INTS3: variants seen among roughly 807,000 people sequenced by gnomAD.
INTS3 encodes SOSS complex subunit A.
In INTS3, 34 loss-of-function variants were observed where a neutral mutation model predicts 146.3. That is an observed-to-expected ratio of 0.23 (90% CI 0.18 to 0.31). The LOEUF (loss-of-function observed/expected upper bound fraction) is 0.31. Ranked by LOEUF, INTS3 falls within the 10% of genes least tolerant of loss-of-function variation. The pLI is 1.00. For missense variants in INTS3, 757 were observed against 1,304.2 expected (o/e 0.58, Z 6.46); for synonymous variants, 475 against 494.9 (o/e 0.96, Z 0.53).
At chr1:153,731,798 G>A (rs1331888639) in intron 1 of INTS3, among the ~76,000 whole-genome samples, 3 of 150,886 alleles carry the variant, frequency 2.0e-5, no homozygotes, top group African/African-American at 7.3e-5. Flanking sequence ...TGTTAGCCAG[G>A]ATGGTCTCTA....
At chr1:153,734,296 G>GATAAT (rs1671204330) in intron 1 of INTS3, among the ~76,000 whole-genome samples, 1 of 152,178 alleles carries the variant, frequency 6.6e-6, no homozygotes, top group African/African-American at 2.4e-5. Flanking sequence ...CTGGCTTCCT[G>GATAAT]TGGCTTTCTT....
intron 8 of INTS3, chr1:153,753,825 G>A (rs1053259397): frequency 1.3e-5 from 2 of 151,788 alleles, no homozygotes; most frequent in Admixed American, 1.3e-4. Context: ...CCAGGTAAAT[G>A]TTGTATTTTT....
At chr1:153,761,168 G>A in intron 13 of INTS3, 1 of 954,272 alleles carries the variant, frequency 1.0e-6, no homozygotes, top group Non-Finnish European at 1.5e-6. Flanking sequence ...GTATGGTCCA[G>A]TTAGACTGAT....
intron 1 of INTS3, among the ~76,000 whole-genome samples, chr1:153,730,892 G>A (rs1187875770): frequency 2.0e-5 from 3 of 152,014 alleles, no homozygotes; most frequent in Admixed American, 6.6e-5. Flanking sequence ...TAGACCAGAG[G>A]GTCTCTAAGG....
At chr1:153,746,612 AG>A (rs373034135) in intron 3 of INTS3, among the ~76,000 whole-genome samples, 36 of 152,250 alleles carry the variant, frequency 2.4e-4, no homozygotes, top group African/African-American at 8.2e-4. Context: ...CGTGTTAGCC[AG>A]GATGGTCTCG....
Position 153,772,497 on chromosome 1 carries a change from G to T in INTS3, c.2821+57G>T. 1.2e-6 allele frequency: 2 copies of T among 1,613,636 alleles called. No individual in the cohort carries two copies. Among genetic ancestry groups the T allele is most frequent in the Non-Finnish European group, 1.7e-6 (2 of 1,179,778 alleles). On this transcript the variant is annotated intron_variant, in intron 27 of 29. Coordinates refer to ENST00000318967, the MANE Select transcript of INTS3 (RefSeq NM_023015.5). This position sits in a 1 kb window ranked among gnomAD's most constrained non-coding sequence, Gnocchi z 4.6. ...ACGGTGCTGCCCTGGCCCAGACTATGCCTGGAGCCAGGCTGGGGGCAGGGG... is the reference window on the plus strand; with the variant it reads ...ACGGTGCTGCCCTGGCCCAGACTATTCCTGGAGCCAGGCTGGGGGCAGGGG...
At position 153,757,591 on chromosome 1, in the gene INTS3, A is replaced by G; in HGVS notation, c.977A>G (p.Lys326Arg). Reference protein sequence around the residue: ...MTSRVRFGQQKRYQDWFQRQY... With the variant: ...MTSRVRFGQQRRYQDWFQRQY... The stretch of plus-strand genomic sequence containing the variant: ...CCCCAGGTGCGATTTGGTCAACAAA[A>G]GCGATACCAAGATTGGTTCCAGCGC... Residue 326 changes from lysine (K) to arginine (R), a missense_variant, in exon 10 of 30, where the codon AAG becomes AGG. By Grantham distance (26) the Lys-to-Arg change is conservative. Coordinates refer to ENST00000318967, the MANE Select transcript of INTS3 (RefSeq NM_023015.5). This position sits in a 1 kb window ranked among gnomAD's most constrained non-coding sequence, Gnocchi z 4.0. The G allele has an allele frequency of 6.2e-7, 1 of 1,613,878 alleles. No homozygotes were observed. The highest frequency in any genetic ancestry group is 8.5e-7 in the Non-Finnish European group (1 of 1,179,770).
intron 1 of INTS3, among the ~76,000 whole-genome samples, chr1:153,739,239 T>C (rs569326361): frequency 9.2e-5 from 14 of 151,434 alleles, no homozygotes; most frequent in Non-Finnish European, 1.8e-4. Flanking sequence ...AATTTTTGTA[T>C]TTTTAGTAGA....
chr1:153,761,247 A>T (rs1476107694), intron 13 of INTS3: 6 of 523,166 alleles, frequency 1.1e-5, no homozygotes, highest in Non-Finnish European at 1.9e-5. Flanking sequence ...ACAGTGGCTC[A>T]TGCCTGTAAT....
Position 153,764,986 on chromosome 1 carries a change from A to C in INTS3, c.2013A>C (p.Leu671=). 6.2e-7 allele frequency: 1 copy of C among 1,613,940 alleles called. No individual in the cohort carries two copies. Among genetic ancestry groups the C allele is most frequent in the Non-Finnish European group, 8.5e-7 (1 of 1,179,900 alleles). ...QMQEDNSSFS[L]LLDLLSELYQ... is the part of the protein sequence containing the mutation. ...AGGAAGACAACAGCAGCTTCTCTCTACTTCTAGACCTTCTCTCCGAGCTAT... is the reference window on the plus strand; with the variant it reads ...AGGAAGACAACAGCAGCTTCTCTCTCCTTCTAGACCTTCTCTCCGAGCTAT... The change falls in exon 20 of 30, where the codon CTA becomes CTC. Residue 671 remains leucine (L), a synonymous_variant. Transcript: ENST00000318967.
At chr1:153,770,419 C>T (rs2101830893) in intron 24 of INTS3, 108 bp downstream of exon 24, 3 of 813,942 alleles carry the variant, frequency 3.7e-6, no homozygotes, top group Non-Finnish European at 6.4e-6. Flanking sequence ...CCATTGTCCT[C>T]CTTCCCACCA....
chr1:153,760,077 C>T (rs527646959), intron 11 of INTS3: 97 of 574,810 alleles, frequency 1.7e-4, no homozygotes, highest in Middle Eastern at 9.3e-4. Flanking sequence ...TAGAAACAGA[C>T]TGACTTTAGC....
chr1:153,743,829 A>G (rs1480121848), intron 3 of INTS3, among the ~76,000 whole-genome samples: 9 of 152,062 alleles, frequency 5.9e-5, no homozygotes, highest in Admixed American at 4.6e-4. Flanking sequence ...TGTCTTCATC[A>G]AAGGGTCAAG....
chr1:153,760,996 A>C, intron 13 of INTS3, 78 bp downstream of exon 13: 6 of 1,571,342 alleles, frequency 3.8e-6, no homozygotes, highest in Non-Finnish European at 5.2e-6. Context: ...TTGCCATAGC[A>C]CTGCTGGCCC....
chr1:153,771,782 C>G lies in INTS3; in HGVS notation c.2553-14C>G. ...ACTGTGCAAGCAGCACCCAGTGCCC[C>G]CTTCCTCCCCCAGGCCCAGCGAGGA... On this transcript the variant is annotated splice_polypyrimidine_tract_variant and intron_variant, in intron 25 of 29. Coordinates refer to ENST00000318967, the MANE Select transcript of INTS3 (RefSeq NM_023015.5). 1 of 1,606,196 alleles carries G rather than the reference C, an allele frequency of 6.2e-7. No homozygotes were observed. The highest frequency in any genetic ancestry group is 8.5e-7 in the Non-Finnish European group (1 of 1,175,084).
chr1:153,769,588 T>C (rs937312072), intron 22 of INTS3, among the ~76,000 whole-genome samples, 181 bp from the exon 23 acceptor site: 5 of 152,122 alleles, frequency 3.3e-5, no homozygotes, highest in Non-Finnish European at 7.3e-5. Flanking sequence ...TATCAGCCCC[T>C]TCATCCTTCA....
intron 8 of INTS3, among the ~76,000 whole-genome samples, chr1:153,752,993 C>G (rs1672017687): frequency 6.6e-6 from 1 of 151,948 alleles, no homozygotes; most frequent in Non-Finnish European, 1.5e-5. Flanking sequence ...CTCCCCACCC[C>G]ACCTCAACAC....
chr1:153,754,522 G>A, intron 8 of INTS3, 120 bp from the exon 9 acceptor site: 1 of 765,858 alleles, frequency 1.3e-6, no homozygotes, highest in East Asian at 2.4e-5. Flanking sequence ...GTCTTGTCTT[G>A]GAATTTCTCC....
intron 1 of INTS3, among the ~76,000 whole-genome samples, chr1:153,740,215 T>C (rs972419422): frequency 2.0e-5 from 3 of 152,174 alleles, no homozygotes; most frequent in Non-Finnish European, 4.4e-5. Context: ...TTCTCCTGCC[T>C]CAGCCTCCCA....
Sources: gnomAD v4.1 joint callset for allele counts (sites outside exome capture counted in the v4.1 genomes callset) on GRCh38, gnomAD v4.1.1 for gene constraint, Gnocchi (gnomAD v3.1) non-coding constraint, MANE v1.5 for transcripts, NCBI Gene and HGNC (gene_info 2026-07-23, HGNC 2026-07-21) for gene names.